RAPGEF5: variants seen among roughly 807,000 people sequenced by gnomAD.
The protein encoded by RAPGEF5 is M-Ras-regulated GEF.
Under a neutral mutation model 125.2 loss-of-function variants are expected in RAPGEF5, and 65 were observed. That is an observed-to-expected ratio of 0.52 (90% CI 0.43 to 0.64). The LOEUF (loss-of-function observed/expected upper bound fraction) is 0.64, where lower values mean the gene tolerates loss of function less well. Ranked by LOEUF, RAPGEF5 falls within the 30% of genes least tolerant of loss-of-function variation. The pLI is 0.00. For synonymous variants in RAPGEF5, 391 were observed against 385.9 expected (o/e 1.01, Z -0.16); for missense variants, 958 against 1,048.1 (o/e 0.91, Z 1.19).
intron 3 of RAPGEF5, among the ~76,000 whole-genome samples, chr7:22,311,916 A>C (rs1783479109): frequency 6.6e-6 from 1 of 152,228 alleles, no homozygotes; most frequent in African/African-American, 2.4e-5. Flanking sequence ...TCATGGATTA[A>C]ATACTGTACC....
At chr7:22,157,035 A>G in intron 15 of RAPGEF5, 147 bp from the exon 16 acceptor site, 2 of 1,380,974 alleles carry the variant, frequency 1.4e-6, no homozygotes. Flanking sequence ...ATAAACTGGG[A>G]GTCGCCTCAA....
At chr7:22,169,456 C>T (rs556768068) in intron 11 of RAPGEF5, among the ~76,000 whole-genome samples, 1 of 152,232 alleles carries the variant, frequency 6.6e-6, no homozygotes, top group Admixed American at 6.5e-5. Context: ...AATTTGAAAA[C>T]TATTCCTCTG....
At chr7:22,207,388 C>T (rs1471236673) in intron 9 of RAPGEF5, among the ~76,000 whole-genome samples, 2 of 152,000 alleles carry the variant, frequency 1.3e-5, no homozygotes. Flanking sequence ...AAAATTCCCC[C>T]AGGGAAGGGT....
At chr7:22,166,381 A>G (rs1562733367) in intron 12 of RAPGEF5, among the ~76,000 whole-genome samples, 1 of 152,196 alleles carries the variant, frequency 6.6e-6, no homozygotes, top group Non-Finnish European at 1.5e-5. Context: ...AATACATTAA[A>G]TACTGTGAAG....
intron 11 of RAPGEF5, among the ~76,000 whole-genome samples, chr7:22,170,065 A>G (rs924786680): frequency 3.1e-4 from 47 of 151,672 alleles, no homozygotes; most frequent in Non-Finnish European, 3.7e-4. Flanking sequence ...AGACACAAGC[A>G]GCAAGGACAA....
chr7:22,297,453 A>G lies in RAPGEF5; in HGVS notation c.681-6212T>C, dbSNP rs114332551. Among the ~76,000 whole-genome samples, 426 of 152,328 alleles carry G rather than the reference A, an allele frequency of 2.8e-3. 3 individuals carry two copies. The highest frequency in any genetic ancestry group is 1.0e-2 in the African/African-American group (415 of 41,586). On this transcript the variant is annotated intron_variant, in intron 5 of 25. Coordinates refer to ENST00000665637, the MANE Select transcript of RAPGEF5 (RefSeq NM_012294.5). ...AGGAAAAAGAGGTAAGAGGGGAGCA[A>G]TTGTGATACAGTTTTCTAGGAGACT...
chr7:22,299,828 T>C (rs1783155174), intron 5 of RAPGEF5, among the ~76,000 whole-genome samples: 2 of 147,548 alleles, frequency 1.4e-5, no homozygotes, highest in African/African-American at 4.9e-5. Context: ...CTGGCCTCCA[T>C]GGTTTCTAAC....
intron 7 of RAPGEF5, among the ~76,000 whole-genome samples, chr7:22,253,388 CAAAAG>C (rs570975747): frequency 2.5e-4 from 38 of 151,924 alleles, no homozygotes; most frequent in Non-Finnish European, 4.1e-4. Context: ...GAGGATGTGG[CAAAAG>C]AAAAGAAAAG....
intron 7 of RAPGEF5, among the ~76,000 whole-genome samples, chr7:22,234,759 T>A (rs1402416402): frequency 1.3e-5 from 2 of 152,142 alleles, no homozygotes; most frequent in Non-Finnish European, 2.9e-5. Context: ...TGCTTTCTTG[T>A]TGCCTTGGGG....
At chr7:22,299,789 C>T (rs1007631510) in intron 5 of RAPGEF5, among the ~76,000 whole-genome samples, 1 of 152,068 alleles carries the variant, frequency 6.6e-6, no homozygotes, top group African/African-American at 2.4e-5. Context: ...CCACCCTCCC[C>T]CACCTTAAAG....
intron 7 of RAPGEF5, among the ~76,000 whole-genome samples, chr7:22,238,799 T>G (rs1786253643): frequency 6.6e-6 from 1 of 152,198 alleles, no homozygotes; most frequent in Non-Finnish European, 1.5e-5. Flanking sequence ...TCCAAGATTA[T>G]GCTCACTTTA....
rs1325829460 is a variant in RAPGEF5, at chr7:22,230,827, G to T, written c.870+19C>A. 1.0e-5 allele frequency: 16 copies of T among 1,555,958 alleles called. No homozygotes were observed. Among genetic ancestry groups the T allele is most frequent in the Non-Finnish European group, 1.4e-5 (16 of 1,146,028 alleles). On this transcript the variant is annotated intron_variant, in intron 8 of 25. Coordinates refer to ENST00000665637, the MANE Select transcript of RAPGEF5 (RefSeq NM_012294.5). ...ACACAGAAGGGTATGATGAGGGGCT[G>T]TCACAGAATTGATCATACCTGAGAA...
chr7:22,211,968 T>C (rs1785517973), intron 9 of RAPGEF5, among the ~76,000 whole-genome samples: 2 of 111,840 alleles, frequency 1.8e-5, no homozygotes, highest in African/African-American at 3.4e-5. Context: ...GTTCTCTTTT[T>C]TTTTTTTTTT....
chr7:22,337,336 T>A (rs373272129), intron 1 of RAPGEF5, among the ~76,000 whole-genome samples: 27 of 152,214 alleles, frequency 1.8e-4, no homozygotes, highest in African/African-American at 6.5e-4. Context: ...AGTGGGGCCA[T>A]CAGGTCATTA....
chr7:22,157,227 T>C (rs983188574), intron 15 of RAPGEF5, among the ~76,000 whole-genome samples: 3 of 152,214 alleles, frequency 2.0e-5, no homozygotes, highest in African/African-American at 7.2e-5. Flanking sequence ...ACCTATAAGG[T>C]ATAAGTTATC....
intron 11 of RAPGEF5, among the ~76,000 whole-genome samples, chr7:22,178,474 T>C (rs563927737): frequency 1.3e-5 from 2 of 152,326 alleles, no homozygotes; most frequent in Admixed American, 1.3e-4. Flanking sequence ...TTCTGACCAG[T>C]GGGCTCTATA....
chr7:22,278,740 T>G (rs1207256477), intron 6 of RAPGEF5, among the ~76,000 whole-genome samples: 1 of 149,764 alleles, frequency 6.7e-6, no homozygotes, highest in Non-Finnish European at 1.5e-5. Context: ...GGTTCCATAC[T>G]AGATGCCTTA....
At chr7:22,356,267 T>C (rs1784417841) in intron 1 of RAPGEF5, 1 of 984,716 alleles carries the variant, frequency 1.0e-6, no homozygotes, top group Non-Finnish European at 1.2e-6. Context: ...CAAGAGGGTG[T>C]CCAGGAGTAT....
chr7:22,144,449 T>C (rs1342566590), intron 20 of RAPGEF5, among the ~76,000 whole-genome samples: 3 of 152,220 alleles, frequency 2.0e-5, no homozygotes, highest in African/African-American at 4.8e-5. Context: ...TCTTGAAGAA[T>C]GGTAGCAATT....
Sources: gnomAD v4.1 joint callset for allele counts (sites outside exome capture counted in the v4.1 genomes callset) on GRCh38, gnomAD v4.1.1 for gene constraint, MANE v1.5 for transcripts, NCBI Gene and HGNC (gene_info 2026-07-23, HGNC 2026-07-21) for gene names.